The following BANK1 variants were observed in gnomAD, a reference collection of about 807,000 sequenced individuals.
The protein encoded by BANK1 is B-cell scaffold protein with ankyrin repeats.
Under a neutral mutation model 94.5 loss-of-function variants are expected in BANK1, and 95 were observed. That is an observed-to-expected ratio of 1.00 (90% CI 0.85 to 1.19). BANK1 has a LOEUF of 1.19. Ranked by LOEUF, BANK1 falls within the 50% of genes most tolerant of loss-of-function variation. The pLI, the probability that BANK1 is intolerant of heterozygous loss-of-function variation, is 0.00. For missense variants in BANK1, 987 were observed against 932.2 expected (o/e 1.06, Z -0.77); for synonymous variants, 334 against 308.4 (o/e 1.08, Z -0.87).
chr4:101,855,430 A>G (rs1315589542), intron 3 of BANK1, among the ~76,000 whole-genome samples: 2 of 152,206 alleles, frequency 1.3e-5, no homozygotes, highest in East Asian at 3.8e-4. Context: ...GCAAGCTCCA[A>G]CATAGCTGTC....
intron 1 of BANK1, among the ~76,000 whole-genome samples, chr4:101,801,371 CAT>C (rs1725350796): frequency 6.6e-6 from 1 of 152,070 alleles, no homozygotes; most frequent in Non-Finnish European, 1.5e-5. Context: ...ATTAAAATGA[CAT>C]ATGTGCCGTG....
chr4:101,974,811 G>T (rs1261854304), intron 7 of BANK1, among the ~76,000 whole-genome samples: 1 of 150,588 alleles, frequency 6.6e-6, no homozygotes, highest in Non-Finnish European at 1.5e-5. Context: ...AAAAAAATTA[G>T]CTGGGCACGG....
chr4:101,973,921 A>G (rs1294682128), intron 7 of BANK1, among the ~76,000 whole-genome samples: 1 of 152,082 alleles, frequency 6.6e-6, no homozygotes, highest in Non-Finnish European at 1.5e-5. Context: ...ATTTCAGACC[A>G]ATGCTCTGTT....
chr4:101,910,007 T>A (rs1204610177), intron 6 of BANK1, among the ~76,000 whole-genome samples: 1 of 152,216 alleles, frequency 6.6e-6, no homozygotes, highest in African/African-American at 2.4e-5. Flanking sequence ...TTTATTTAGT[T>A]CTCTGTGAGG....
intron 7 of BANK1, among the ~76,000 whole-genome samples, chr4:101,979,968 T>C (rs1477237657): frequency 6.6e-6 from 1 of 151,878 alleles, no homozygotes; most frequent in Admixed American, 6.6e-5. Context: ...ACACTTGATA[T>C]TCCTTGCCCA....
At chr4:102,006,529 T>C (rs531724674) in intron 7 of BANK1, among the ~76,000 whole-genome samples, 1 of 152,174 alleles carries the variant, frequency 6.6e-6, no homozygotes, top group East Asian at 1.9e-4. Flanking sequence ...ACAATCTAGA[T>C]TATTCTTTCC....
chr4:101,808,955 T>C (rs1475337119), intron 1 of BANK1, among the ~76,000 whole-genome samples: 1 of 152,128 alleles, frequency 6.6e-6, no homozygotes, highest in Non-Finnish European at 1.5e-5. Context: ...CTTAAAGAAC[T>C]AAAAGTAGAT....
intron 1 of BANK1, among the ~76,000 whole-genome samples, chr4:101,803,120 A>G (rs1578325373): frequency 6.6e-6 from 1 of 152,252 alleles, no homozygotes; most frequent in South Asian, 2.1e-4. Context: ...TTGTCTCAAC[A>G]TTGATAGAGA....
intron 7 of BANK1, among the ~76,000 whole-genome samples, chr4:101,968,849 C>T (rs1724852912): frequency 6.6e-6 from 1 of 152,046 alleles, no homozygotes; most frequent in African/African-American, 2.4e-5. Context: ...GAAAAGTTGA[C>T]TGCAAAATAA....
intron 12 of BANK1, chr4:102,061,375 T>G (rs1728412978): frequency 6.6e-6 from 1 of 152,218 alleles, no homozygotes; most frequent in African/African-American, 2.4e-5. Flanking sequence ...GGTTGGTGGC[T>G]GAACCTCATC....
At chr4:101,903,650 A>G (rs6532976) in intron 6 of BANK1, among the ~76,000 whole-genome samples, 133,413 of 152,234 alleles carry the variant, frequency 0.88, 58,771 homozygotes, top group African/African-American at 0.92. Flanking sequence ...CCAAGGGCTA[A>G]TAAGACTAGG....
intron 7 of BANK1, among the ~76,000 whole-genome samples, chr4:101,973,522 T>A (rs1053279664): frequency 1.3e-5 from 2 of 152,106 alleles, no homozygotes; most frequent in Non-Finnish European, 2.9e-5. Flanking sequence ...CACTAAACTT[T>A]CCTGCCTGAA....
rs2148924491 is a variant in BANK1 at position 101,974,464 on chromosome 4, T to C, written c.1207-47050T>C. On this transcript the variant is annotated intron_variant, in intron 7 of 16. Coordinates refer to ENST00000322953, the MANE Select transcript of BANK1 (RefSeq NM_017935.5). ...TAATCACTAGAGCAGTGCAAGTTTA[T>C]CTCATGTCATCACTAGCTTCTTAGA... Among the ~76,000 whole-genome samples the C allele has an allele frequency of 2.6e-5, 4 of 152,300 alleles. No individual in the cohort carries two copies. The Middle Eastern group carries it at 0.014, about 518-fold the overall frequency.
At chr4:101,806,642 G>A (rs1454411788) in intron 1 of BANK1, among the ~76,000 whole-genome samples, 1 of 152,036 alleles carries the variant, frequency 6.6e-6, no homozygotes, top group Non-Finnish European at 1.5e-5. Flanking sequence ...CATAATACAT[G>A]GTGCATAATA....
At chr4:101,874,690 A>T (rs567328983) in intron 5 of BANK1, among the ~76,000 whole-genome samples, 2 of 152,280 alleles carry the variant, frequency 1.3e-5, no homozygotes, top group Non-Finnish European at 1.5e-5. Flanking sequence ...TCACAGGCGC[A>T]TCTTTTCCAT....
chr4:101,801,760 GACC>G (rs1028428488), intron 1 of BANK1, among the ~76,000 whole-genome samples: 1 of 152,094 alleles, frequency 6.6e-6, no homozygotes, highest in Non-Finnish European at 1.5e-5. Context: ...AAACTTATAA[GACC>G]ACATTACATA....
chr4:102,043,734 A>G (rs1727779527), intron 10 of BANK1, 105 bp from the exon 11 acceptor site: 2 of 621,134 alleles, frequency 3.2e-6, no homozygotes, highest in African/African-American at 1.8e-5. Context: ...AGGAACTGAT[A>G]CTCAGGAAAA....
At chr4:101,823,426 C>G (rs1319638009) in intron 1 of BANK1, among the ~76,000 whole-genome samples, 1 of 152,112 alleles carries the variant, frequency 6.6e-6, no homozygotes, top group East Asian at 1.9e-4. Context: ...CCTTCCTGCT[C>G]TCAGATGTAG....
chr4:101,907,272 T>C (rs1722487669), intron 6 of BANK1, among the ~76,000 whole-genome samples: 1 of 152,184 alleles, frequency 6.6e-6, no homozygotes, highest in Non-Finnish European at 1.5e-5. Context: ...ATAAATGTAA[T>C]CCAGCATATA....
Sources: allele counts gnomAD v4.1 joint callset (sites outside exome capture counted in the v4.1 genomes callset), GRCh38; gene constraint gnomAD v4.1.1; transcripts MANE v1.5; gene names NCBI Gene and HGNC (gene_info 2026-07-23, HGNC 2026-07-21).